Variants in RIPOR3 observed in about 807,000 individuals in gnomAD.
RIPOR3 encodes RIPOR family member 3.
Under a neutral mutation model 114.3 loss-of-function variants are expected in RIPOR3, and 95 were observed. That is an observed-to-expected ratio of 0.83 (90% confidence interval 0.70 to 0.99). The LOEUF (loss-of-function observed/expected upper bound fraction) is 0.99. Ranked by LOEUF, RIPOR3 falls within the 50% of genes least tolerant of loss-of-function variation. The pLI is 0.00. For synonymous variants in RIPOR3, 575 were observed against 543.8 expected, an observed-to-expected ratio of 1.06 and a Z score of -0.80; for missense variants, 1,252 against 1,266.9, an observed-to-expected ratio of 0.99 and a Z score of 0.18.
At chr20:50,643,601 C>T (rs2085283605) in intron 1 of RIPOR3, among the ~76,000 whole-genome samples, 1 of 151,760 alleles carries the variant, frequency 6.6e-6, no homozygotes, top group South Asian at 2.1e-4. Context: ...CATGGTCACT[C>T]ATAAATAAAT....
chr20:50,690,240 T>C (rs1172688056), intron 1 of RIPOR3, among the ~76,000 whole-genome samples: 4 of 152,214 alleles, frequency 2.6e-5, no homozygotes, highest in South Asian at 2.1e-4. Context: ...CAAAATAAAA[T>C]TGGAACAAAA....
Position 50,593,031 on chromosome 20 carries a change from T to G in RIPOR3, c.2374+4A>C. 1 of 1,613,902 alleles carries G rather than the reference T, an allele frequency of 6.2e-7. No homozygotes were observed. Among genetic ancestry groups the G allele is most frequent in the Middle Eastern group, 1.7e-4 (1 of 6,060 alleles). Reference sequence around the variant, plus strand: ...GCTATGACAGCCACCCACCCCAGTCTTACCTTCCTTGGTGAGCTGGGTGAA... The same window carrying G: ...GCTATGACAGCCACCCACCCCAGTCGTACCTTCCTTGGTGAGCTGGGTGAA... On this transcript the variant is annotated splice_donor_region_variant and intron_variant, in intron 18 of 21. Coordinates refer to ENST00000327979, the MANE Select transcript of RIPOR3 (RefSeq NM_001290268.2).
At chr20:50,627,680 CAA>C in intron 2 of RIPOR3, among the ~76,000 whole-genome samples, 1 of 143,232 alleles carries the variant, frequency 7.0e-6, no homozygotes, top group African/African-American at 2.6e-5. Flanking sequence ...GAAACTGTCT[CAA>C]AAAAAAAAAA....
At chr20:50,597,470 G>A in intron 14 of RIPOR3, 110 bp downstream of exon 14, 1 of 1,447,786 alleles carries the variant, frequency 6.9e-7, no homozygotes, top group Admixed American at 2.1e-5. Context: ...CAAGAGCTGA[G>A]CCAAGGACAG....
At chr20:50,617,248 C>T (rs2084211460) in intron 3 of RIPOR3, among the ~76,000 whole-genome samples, 1 of 152,160 alleles carries the variant, frequency 6.6e-6, no homozygotes, top group Non-Finnish European at 1.5e-5. Context: ...TCTCTGGGCT[C>T]TACTGACACC....
chr20:50,633,455 T>C (rs2084885246), intron 1 of RIPOR3, among the ~76,000 whole-genome samples: 1 of 152,168 alleles, frequency 6.6e-6, no homozygotes, highest in South Asian at 2.1e-4. Context: ...TCACTGCTGT[T>C]ACCCCTATCA....
intron 4 of RIPOR3, among the ~76,000 whole-genome samples, chr20:50,614,031 A>G (rs2084071239): frequency 6.6e-6 from 1 of 151,986 alleles, no homozygotes; most frequent in Admixed American, 6.6e-5. Context: ...TATTTCATTC[A>G]TTCATTCATT....
intron 19 of RIPOR3, among the ~76,000 whole-genome samples, chr20:50,590,862 T>A (rs1363604554): frequency 1.3e-5 from 2 of 150,214 alleles, no homozygotes; most frequent in African/African-American, 2.4e-5. Context: ...TTGCCCAGCC[T>A]GGGGTGCAGT....
Position 50,587,142 on chromosome 20 carries a change from A to C in RIPOR3, c.*90T>G, listed in dbSNP as rs772613254. 1.0e-5 allele frequency: 10 copies of C among 983,130 alleles called. No individual in the cohort carries two copies. The highest frequency in any genetic ancestry group is 1.6e-5 in the Non-Finnish European group (10 of 627,676). 60.9% of individuals were successfully genotyped at this position (983,130 alleles called of 1,614,324 possible). ...GCAGCTCACACTCCTGGAGGAGTGC[A>C]CAGCACCATTACCCAGAGTGCAGGC... On this transcript the variant is annotated 3_prime_UTR_variant, in exon 22 of 22. Coordinates refer to ENST00000327979, the MANE Select transcript of RIPOR3 (RefSeq NM_001290268.2).
Position 50,589,668 on chromosome 20 carries a change from G to T in RIPOR3, c.2661+18C>A. 1 of 1,612,486 alleles carries T rather than the reference G, an allele frequency of 6.2e-7. No individual in the cohort carries two copies. The highest frequency in any genetic ancestry group is 1.1e-5 in the South Asian group (1 of 90,806). ...CAGGCTTTTCTATCAGCCACTAATG[G>T]GGAAACGTCAGGCTCACCTTGAGGT... On this transcript the variant is annotated intron_variant, in intron 20 of 21. Coordinates refer to ENST00000327979, the MANE Select transcript of RIPOR3 (RefSeq NM_001290268.2).
intron 1 of RIPOR3, among the ~76,000 whole-genome samples, chr20:50,635,302 A>G (rs1388995207): frequency 1.3e-5 from 2 of 152,170 alleles, no homozygotes; most frequent in Non-Finnish European, 2.9e-5. Context: ...TTCTCATTTC[A>G]TTCTCCCAAC....
intron 13 of RIPOR3, among the ~76,000 whole-genome samples, chr20:50,601,858 G>A (rs2083506217): frequency 6.6e-6 from 1 of 152,192 alleles, no homozygotes; most frequent in African/African-American, 2.4e-5. Context: ...CCTATCTACT[G>A]TGAACTCTTA....
At chr20:50,661,083 C>A (rs2123456777) in intron 1 of RIPOR3, among the ~76,000 whole-genome samples, 1 of 151,948 alleles carries the variant, frequency 6.6e-6, no homozygotes, top group South Asian at 2.1e-4. Context: ...ATTAAAAATA[C>A]AAAAATTAGC....
At chr20:50,639,249 A>G (rs1474934779) in intron 1 of RIPOR3, among the ~76,000 whole-genome samples, 1 of 152,002 alleles carries the variant, frequency 6.6e-6, no homozygotes, top group African/African-American at 2.4e-5. Flanking sequence ...CTCAAAAAAA[A>G]AAAACCTGAA....
At chr20:50,592,959 T>C in intron 18 of RIPOR3, 76 bp downstream of exon 18, 1 of 1,553,530 alleles carries the variant, frequency 6.4e-7, no homozygotes, top group Non-Finnish European at 8.7e-7. Context: ...GGTTCTGAAT[T>C]ATAACCTGAG....
chr20:50,671,394 T>G (rs2086478758), intron 1 of RIPOR3, among the ~76,000 whole-genome samples: 1 of 150,786 alleles, frequency 6.6e-6, no homozygotes, highest in African/African-American at 2.4e-5. Flanking sequence ...TCTCCCTCTC[T>G]CTCACATGAG....
chr20:50,587,388 T>A (rs2082954641), intron 21 of RIPOR3, 56 bp from the exon 22 acceptor site: 1 of 1,476,974 alleles, frequency 6.8e-7, no homozygotes. Context: ...CACTTCCAAC[T>A]CTCCTGGGCC....
intron 1 of RIPOR3, among the ~76,000 whole-genome samples, chr20:50,656,067 A>G (rs1201928026): frequency 6.6e-6 from 1 of 150,776 alleles, no homozygotes; most frequent in East Asian, 2.0e-4. Context: ...GTGCAGTAGC[A>G]TGCGATCTTG....
chr20:50,671,379 TTCTC>T (rs376994153), intron 1 of RIPOR3, among the ~76,000 whole-genome samples: 129 of 151,592 alleles, frequency 8.5e-4, no homozygotes, highest in African/African-American at 3.0e-3. Flanking sequence ...ACTTCCACCT[TTCTC>T]TCTCCCTCTC....
Sources: allele counts gnomAD v4.1 joint callset (sites outside exome capture counted in the v4.1 genomes callset), GRCh38; gene constraint gnomAD v4.1.1; transcripts MANE v1.5; gene names NCBI Gene and HGNC (gene_info 2026-07-23, HGNC 2026-07-21).